The following TEX11 variants were observed in gnomAD, a reference collection of about 807,000 sequenced individuals.
TEX11 encodes the protein testis expressed 11, also known as testis-expressed protein 11.
In TEX11, 7 loss-of-function variants were observed where a neutral mutation model predicts 84.4. The ratio of observed to expected loss-of-function variants is 0.08; its 90% CI spans 0.05 to 0.16. The LOEUF is 0.16. TEX11 is among the 10% of genes least tolerant of loss of function. TEX11 has a pLI of 1.00. For synonymous variants in TEX11, 264 were observed against 222.8 expected, an observed-to-expected ratio of 1.18 and a Z score of -1.64; for missense variants, 551 against 660.5, an observed-to-expected ratio of 0.83 and a Z score of 1.82.
At chrX:70,767,442 T>C (rs1239012978) in intron 9 of TEX11, among the ~76,000 whole-genome samples, 1 of 111,680 alleles carries the variant, frequency 9.0e-6, no homozygotes, top group East Asian at 2.8e-4. Flanking sequence ...ATGGCTTATA[T>C]CCAAAAGACA....
intron 25 of TEX11, among the ~76,000 whole-genome samples, chrX:70,560,829 C>T (rs948893744): frequency 2.0e-5 from 2 of 101,341 alleles, no homozygotes; most frequent in African/African-American, 7.3e-5. Context: ...CTCAAGTGAT[C>T]TTCTTGCCTC....
At chrX:70,717,849 A>G (rs2090520705) in intron 13 of TEX11, among the ~76,000 whole-genome samples, 1 of 112,388 alleles carries the variant, frequency 8.9e-6, no homozygotes, top group Non-Finnish European at 1.9e-5. Flanking sequence ...AAACTTTATC[A>G]TTAACCGAAC....
At chrX:70,773,120 C>T (rs1461070284) in intron 9 of TEX11, among the ~76,000 whole-genome samples, 2 of 110,903 alleles carry the variant, frequency 1.8e-5, no homozygotes, top group African/African-American at 3.3e-5. Context: ...AAGGGAATGA[C>T]AGAAAACTTC....
intron 16 of TEX11, among the ~76,000 whole-genome samples, chrX:70,660,349 T>C (rs1317793465): frequency 8.9e-6 from 1 of 112,740 alleles, no homozygotes; most frequent in African/African-American, 3.2e-5. Flanking sequence ...ATAAACTTTT[T>C]AATATTTAAA....
chrX:70,806,317 A>G lies in TEX11; in HGVS notation c.692+388T>C, dbSNP rs1439301579. Among the ~76,000 whole-genome samples, 3 of 111,203 alleles carry G rather than the reference A, an allele frequency of 2.7e-5. No homozygotes were observed. In the South Asian group the frequency reaches 1.1e-3, roughly 42 times the overall value. ...CAAAGATATTAAAAATTAGCCACGCATGCTGGCACATGCCTGTGGTCCCAG... is the reference window on the plus strand; with the variant it reads ...CAAAGATATTAAAAATTAGCCACGCGTGCTGGCACATGCCTGTGGTCCCAG... On this transcript the variant is annotated intron_variant, in intron 9 of 29. Transcript: ENST00000374333.
At chrX:70,774,679 A>T (rs2090991065) in intron 9 of TEX11, among the ~76,000 whole-genome samples, 1 of 111,618 alleles carries the variant, frequency 9.0e-6, no homozygotes, top group Non-Finnish European at 1.9e-5. Flanking sequence ...TACAAGTAGA[A>T]CTAAAAAGCA....
At chrX:70,563,266 C>T (rs757185470) in intron 25 of TEX11, among the ~76,000 whole-genome samples, 1 of 111,616 alleles carries the variant, frequency 9.0e-6, no homozygotes, top group South Asian at 3.8e-4. Context: ...AATGGAGAGC[C>T]AGGACCCTAA....
intron 13 of TEX11, among the ~76,000 whole-genome samples, chrX:70,704,934 A>G (rs1398444131): frequency 4.5e-5 from 5 of 111,906 alleles, no homozygotes; most frequent in Non-Finnish European, 9.4e-5. Flanking sequence ...TTTAGGTCTA[A>G]CATTTAAGTC....
rs1385053997 is a variant in TEX11 at position 70,529,882 on chromosome X, G to A, written c.2638C>T (p.Arg880Cys). The change falls in exon 29 of 30, where the codon CGT (arginine) becomes TGT (cysteine). Residue 880 changes from arginine to cysteine, a missense_variant. By Grantham distance (180) the Arg-to-Cys change is radical. Transcript: ENST00000374333. ...SAEKWCGLALRFLNHLTSFKE... is the reference protein window; with the variant it reads ...SAEKWCGLALCFLNHLTSFKE... Reference sequence around the variant, plus strand: ...AAGGAGGTAAGGTGGTTAAGGAAACGCAAGGCCAGGCCACACCACTTTTCA... The same window carrying A: ...AAGGAGGTAAGGTGGTTAAGGAAACACAAGGCCAGGCCACACCACTTTTCA... 3.3e-6 allele frequency: 4 copies of A among 1,210,832 alleles called. No homozygotes were observed. The highest frequency in any genetic ancestry group is 4.5e-6 in the Non-Finnish European group (4 of 895,273).
the TEX11 span, among the ~76,000 whole-genome samples, chrX:70,522,990 C>A: frequency 2.8e-5 from 3 of 106,662 alleles, no homozygotes; most frequent in African/African-American, 1.1e-4. Flanking sequence ...GTTAAAAAAA[C>A]AGAGGCCATT....
At chrX:70,684,874 G>A (rs1441612669) in intron 13 of TEX11, among the ~76,000 whole-genome samples, 1 of 111,256 alleles carries the variant, frequency 9.0e-6, no homozygotes, top group African/African-American at 3.3e-5. Flanking sequence ...AAAATTGGAG[G>A]CATCACGCTT....
Position 70,528,992 on chromosome X carries a change from G to A in TEX11, c.*103C>T, listed in dbSNP as rs1007968536. The A allele has an allele frequency of 5.1e-6, 3 of 582,862 alleles. No homozygotes were observed. The highest frequency in any genetic ancestry group is 3.5e-5 in the East Asian group (1 of 28,711). The allele number at this position is 582,862 out of a possible 1,213,427, so 48.0% of individuals were successfully genotyped here. ...AGTTTATTCAACAACATGAAAACAG[G>A]GTCTGAGCAAACAGAAACAAAAGCT... On this transcript the variant is annotated 3_prime_UTR_variant, in exon 30 of 30. Coordinates refer to ENST00000374333, the MANE Select transcript of TEX11 (RefSeq NM_031276.3).
rs1400191728 is a variant in TEX11 at position 70,807,004 on chromosome X, AAAG to A, written c.607-217_607-215del. Among the ~76,000 whole-genome samples, 4 of 112,678 alleles carry A rather than the reference AAAG, an allele frequency of 3.5e-5. No homozygotes were observed. The East Asian group carries it at 1.1e-3, about 31-fold the overall frequency. On this transcript the variant is annotated intron_variant, in intron 8 of 29. Transcript: ENST00000374333. ...CTTATCAAAACTTCTCAATTTGTAT[AAAG>A]AAGAACTGCAAAACATTCAGGTTGG...
At chrX:70,886,637 C>T (rs1602211100) in intron 2 of TEX11, among the ~76,000 whole-genome samples, 1 of 111,991 alleles carries the variant, frequency 8.9e-6, no homozygotes, top group African/African-American at 3.2e-5. Context: ...TAAACAGGTG[C>T]ATAGAATATG....
intron 7 of TEX11, among the ~76,000 whole-genome samples, chrX:70,847,935 G>A (rs1455011959): frequency 2.7e-5 from 3 of 111,660 alleles, no homozygotes; most frequent in Non-Finnish European, 5.6e-5. Flanking sequence ...TCCCTTTCCT[G>A]CCTCCAAAGA....
intron 25 of TEX11, among the ~76,000 whole-genome samples, chrX:70,581,706 G>GA (rs1243025420): frequency 8.9e-6 from 1 of 111,773 alleles, no homozygotes; most frequent in Non-Finnish European, 1.9e-5. Context: ...TGTGTACATT[G>GA]AAAGTGCTAC....
chrX:70,858,067 G>A (rs2091546373), intron 5 of TEX11, among the ~76,000 whole-genome samples: 2 of 109,624 alleles, frequency 1.8e-5, no homozygotes, highest in South Asian at 3.9e-4. Flanking sequence ...AAGAGTGGGA[G>A]GGGGGCAAGG....
intron 18 of TEX11, among the ~76,000 whole-genome samples, chrX:70,628,653 A>T (rs1302375198): frequency 8.9e-6 from 1 of 112,222 alleles, no homozygotes; most frequent in Non-Finnish European, 1.9e-5. Context: ...CTAGCCCAAT[A>T]TCTTGCCCAA....
intron 9 of TEX11, among the ~76,000 whole-genome samples, chrX:70,754,424 C>G (rs1005653257): frequency 9.0e-6 from 1 of 111,472 alleles, no homozygotes; most frequent in Non-Finnish European, 1.9e-5. Flanking sequence ...AGCTCAGTCA[C>G]AGTAAAATAT....
Sources: gnomAD v4.1 joint callset for allele counts (sites outside exome capture counted in the v4.1 genomes callset) on GRCh38, gnomAD v4.1.1 for gene constraint, MANE v1.5 for transcripts, NCBI Gene and HGNC (gene_info 2026-07-23, HGNC 2026-07-21) for gene names.